The following TNFAIP3 variants were observed in gnomAD, a reference collection of about 807,000 sequenced individuals.
TNFAIP3 encodes tumor necrosis factor alpha-induced protein 3.
A neutral mutation model predicts 72.4 loss-of-function variants in TNFAIP3; 9 were observed. The ratio of observed to expected loss-of-function variants is 0.12; its 90% CI spans 0.07 to 0.22. The LOEUF (loss-of-function observed/expected upper bound fraction) is 0.22. Ranked by LOEUF, TNFAIP3 falls within the 10% of genes least tolerant of loss-of-function variation. The pLI is 1.00. For missense variants in TNFAIP3, 833 were observed against 1,018.7 expected, an observed-to-expected ratio of 0.82 and a Z score of 2.48; for synonymous variants, 339 against 372.6, an observed-to-expected ratio of 0.91 and a Z score of 1.04.
At chr6:137,876,214 C>T (rs777372363) in intron 5 of TNFAIP3, 48 bp downstream of exon 5, 14 of 1,497,112 alleles carry the variant, frequency 9.4e-6, no homozygotes, top group Admixed American at 2.0e-5. Flanking sequence ...ACTGAAACAT[C>T]AGGGTTTTCC....
chr6:137,871,629 G>T lies in TNFAIP3; in HGVS notation c.295+107G>T. 3 of 1,285,082 alleles carry T rather than the reference G, an allele frequency of 2.3e-6. No individual in the cohort carries two copies. Among genetic ancestry groups the T allele is most frequent in the South Asian group, 1.4e-5 (1 of 69,942 alleles). The allele number at this position is 1,285,082 out of a possible 1,614,324, so 79.6% of individuals were successfully genotyped here. A position where few individuals can be genotyped will look rare whatever the true frequency, so the allele number is the denominator to read the frequency against. On this transcript the variant is annotated intron_variant, in intron 2 of 8. Coordinates refer to ENST00000612899, the MANE Select transcript of TNFAIP3 (RefSeq NM_001270508.2). The surrounding 1 kb of genome is among the most constrained non-coding windows in gnomAD (Gnocchi z 4.2). ...ACAAGCCCAAACTCAAATCAATCTT[G>T]AGATTTAGTATTGAGACCTTTATAT...
Position 137,875,027 on chromosome 6 carries a change from G to A in TNFAIP3, c.478G>A (p.Asp160Asn), listed in dbSNP as rs918962406. 2 of 1,614,102 alleles carry A rather than the reference G, an allele frequency of 1.2e-6. No homozygotes were observed. The highest frequency in any genetic ancestry group is 1.3e-5 in the African/African-American group (1 of 75,048). ...QEFVETGLCY[D>N]TRNWNDEWDN... ...ATTTGTTGAAACGGGGCTTTGCTAT[G>A]ATACTCGGGTAGGTTTTTCCCCCTA... The change falls in exon 3 of 9, where the codon GAT becomes AAT. Residue 160 changes from aspartate (D) to asparagine (N), a missense_variant. Coordinates refer to ENST00000612899, the MANE Select transcript of TNFAIP3 (RefSeq NM_001270508.2).
chr6:137,867,992 C>A lies in TNFAIP3; in HGVS notation c.-16+450C>A, dbSNP rs1037488048. The A allele has an allele frequency of 6.6e-6, 1 of 152,550 alleles. No homozygotes were observed. The highest frequency in any genetic ancestry group is 1.5e-5 in the Non-Finnish European group (1 of 68,308). 9.4% of individuals were successfully genotyped at this position (152,550 alleles called of 1,614,324 possible). ...ACGGGGCGTAGGGTACCGCAGTGGCCGCCAGCCCGGCGGAGGTGGGGGGCT... is the reference window on the plus strand; with the variant it reads ...ACGGGGCGTAGGGTACCGCAGTGGCAGCCAGCCCGGCGGAGGTGGGGGGCT... On this transcript the variant is annotated intron_variant, in intron 1 of 8. Transcript: ENST00000612899. This position sits in a 1 kb window ranked among gnomAD's most constrained non-coding sequence, Gnocchi z 6.0.
intron 2 of TNFAIP3, among the ~76,000 whole-genome samples, chr6:137,872,109 T>A (rs1169845875): frequency 6.6e-6 from 1 of 152,240 alleles, no homozygotes; most frequent in African/African-American, 2.4e-5. Flanking sequence ...ATTTTTAGCA[T>A]GAATTTTAGA....
rs369621216 is a variant in TNFAIP3 at position 137,881,234 on chromosome 6, G to A, written c.2288G>A (p.Arg763Gln). 1.4e-5 allele frequency: 23 copies of A among 1,605,600 alleles called. No homozygotes were observed. In the East Asian group the frequency reaches 2.7e-4, roughly 19 times the overall value. ...GAAGACCCCCCCAAGCAGCGTTGCC[G>A]GGCCCCCGCCTGTGATCATTTTGGC... ...APEDPPKQRC[R>Q]APACDHFGNA... The change falls in exon 9 of 9, where the codon CGG becomes CAG. Residue 763 changes from arginine to glutamine, a missense_variant. This residue lies in a region of TNFAIP3 where 587 missense variants were observed against 657.8 expected (regional missense o/e 0.89). Coordinates refer to ENST00000612899, the MANE Select transcript of TNFAIP3 (RefSeq NM_001270508.2). The surrounding 1 kb of genome is among the most constrained non-coding windows in gnomAD (Gnocchi z 5.0).
intron 8 of TNFAIP3, 63 bp from the exon 9 acceptor site, chr6:137,880,972 C>A: frequency 6.6e-7 from 1 of 1,518,654 alleles, no homozygotes; most frequent in Non-Finnish European, 8.9e-7. Context: ...ATTGTGCTCT[C>A]CCTAAGAAAT....
chr6:137,879,161 G>C lies in TNFAIP3; in HGVS notation c.1716G>C (p.Arg572=), dbSNP rs1776357511. ...RSKSDPSRLV[R]SPSPHSCHRA... ...AGTCAGATCCCTCGCGGCTCGTCCG[G>C]AGCCCCTCCCCGCATTCTTGCCACA... is the stretch of plus-strand genomic sequence containing the variant. The change falls in exon 7 of 9, where the codon CGG becomes CGC. Residue 572 remains arginine, a synonymous_variant. Transcript: ENST00000612899. The C allele has an allele frequency of 2.5e-6, 4 of 1,613,908 alleles. No individual in the cohort carries two copies. Among genetic ancestry groups the C allele is most frequent in the Non-Finnish European group, 3.4e-6 (4 of 1,180,020 alleles).
chr6:137,868,251 G>A (rs1582880809), intron 1 of TNFAIP3: 1 of 152,512 alleles, frequency 6.6e-6, no homozygotes, highest in East Asian at 1.9e-4. Flanking sequence ...AGTAAGGAAG[G>A]AGCTTAACTC....
chr6:137,876,181 T>C lies in TNFAIP3; in HGVS notation c.805+15T>C. The C allele has an allele frequency of 6.2e-7, 1 of 1,603,592 alleles. No homozygotes were observed. Among genetic ancestry groups the C allele is most frequent in the South Asian group, 1.1e-5 (1 of 89,100 alleles). On this transcript the variant is annotated intron_variant, in intron 5 of 8. Transcript: ENST00000612899. ...CAGTGGGCCTGGTGAGAAAACTGCA[T>C]TAATTCACATCTATAACTAGACACT...
chr6:137,875,619 T>A, intron 3 of TNFAIP3, 69 bp from the exon 4 acceptor site: 1 of 1,548,248 alleles, frequency 6.5e-7, no homozygotes, highest in Non-Finnish European at 8.8e-7. Context: ...TAGAGTGATG[T>A]CAGAATGACT....
At position 137,870,148 on chromosome 6, in the gene TNFAIP3, A is replaced by G. The variant is rs571908476; in HGVS notation, c.-15-1065A>G. Among the ~76,000 whole-genome samples the G allele has an allele frequency of 1.6e-4, 25 of 152,304 alleles. No homozygotes were observed. In the East Asian group the frequency reaches 4.8e-3, roughly 29 times the overall value. On this transcript the variant is annotated intron_variant, in intron 1 of 8. Coordinates refer to ENST00000612899, the MANE Select transcript of TNFAIP3 (RefSeq NM_001270508.2). The stretch of plus-strand genomic sequence containing the variant: ...TTATGCTTAAAGATTTCAGGGTGAA[A>G]AGCCAGGCAGACTTGCCTCTGTGTT...
rs772293188 is a variant in TNFAIP3, at chr6:137,881,047, C to A, written c.2101C>A (p.Arg701Ser). 6.2e-7 allele frequency: 1 copy of A among 1,607,050 alleles called. No homozygotes were observed. The highest frequency in any genetic ancestry group is 1.3e-5 in the African/African-American group (1 of 74,780). The change falls in exon 9 of 9, where the codon CGC (arginine) becomes AGC (serine). Residue 701 changes from arginine to serine, a missense_variant. Coordinates refer to ENST00000612899, the MANE Select transcript of TNFAIP3 (RefSeq NM_001270508.2). This position sits in a 1 kb window ranked among gnomAD's most constrained non-coding sequence, Gnocchi z 5.0. ...TCTTTCCACTCAGAGATCGAGCCAG[C>A]GCAGAGATGTGCCTCGAACCACACA... is the stretch of plus-strand genomic sequence containing the variant. ...RTEEQLRSSQ[R>S]RDVPRTTQST...
chr6:137,874,719 T>C, intron 2 of TNFAIP3, 126 bp from the exon 3 acceptor site: 1 of 867,024 alleles, frequency 1.2e-6, no homozygotes, highest in Non-Finnish European at 1.7e-6. Flanking sequence ...GACTAGGAAA[T>C]TACATCAAAT....
At chr6:137,877,031 GT>G in intron 5 of TNFAIP3, 44 bp from the exon 6 acceptor site, 1 of 1,440,734 alleles carries the variant, frequency 6.9e-7, no homozygotes, top group Non-Finnish European at 9.4e-7. Context: ...CTATGGCCTT[GT>G]TTAGTAGAAT....
rs890669636 is a variant in TNFAIP3, at chr6:137,875,047, C to T, written c.486+12C>T. 2 of 1,613,788 alleles carry T rather than the reference C, an allele frequency of 1.2e-6. No homozygotes were observed. The highest frequency in any genetic ancestry group is 2.2e-5 in the South Asian group (2 of 91,076). On this transcript the variant is annotated intron_variant, in intron 3 of 8. Transcript: ENST00000612899. ...GCTATGATACTCGGGTAGGTTTTTCCCCCTAATTATCTACTAACAGAGCTC... is the reference window on the plus strand; with the variant it reads ...GCTATGATACTCGGGTAGGTTTTTCTCCCTAATTATCTACTAACAGAGCTC...
Position 137,875,933 on chromosome 6 carries a change from G to A in TNFAIP3, c.635-63G>A. 2.5e-6 allele frequency: 4 copies of A among 1,599,628 alleles called. No individual in the cohort carries two copies. In the South Asian group the frequency reaches 4.5e-5, roughly 18 times the overall value. On this transcript the variant is annotated intron_variant, in intron 4 of 8. Transcript: ENST00000612899. ...ACACTGCCAAAGTTCAGGTAACAGA[G>A]TTCAATGGAATTTGATGAAAGTCAC...
At chr6:137,870,526 T>C (rs1225434756) in intron 1 of TNFAIP3, among the ~76,000 whole-genome samples, 1 of 152,220 alleles carries the variant, frequency 6.6e-6, no homozygotes, top group Non-Finnish European at 1.5e-5. Context: ...GAAATGGACT[T>C]TTTTATTGAT....
Position 137,877,147 on chromosome 6 carries a change from G to C in TNFAIP3, c.877G>C (p.Asp293His). Residue 293 changes from aspartate (D) to histidine (H), a missense_variant, in exon 6 of 9, where the codon GAT (aspartate) becomes CAT (histidine). Physicochemically the swap from Asp to His is moderately conservative, Grantham distance 81 (BLOSUM62 -1). This residue lies in a region of TNFAIP3 where 587 missense variants were observed against 657.8 expected (regional missense o/e 0.89). Coordinates refer to ENST00000612899, the MANE Select transcript of TNFAIP3 (RefSeq NM_001270508.2). ...FEDLKVHFLT[D>H]PENEMKEKLL... ...AGACTTAAAAGTTCACTTTTTGACA[G>C]ATCCTGAAAATGAGATGAAGGAGAA... 1 of 1,613,894 alleles carries C rather than the reference G, an allele frequency of 6.2e-7. No individual in the cohort carries two copies. Among genetic ancestry groups the C allele is most frequent in the Non-Finnish European group, 8.5e-7 (1 of 1,179,890 alleles).
chr6:137,879,957 C>T, intron 7 of TNFAIP3, 114 bp from the exon 8 acceptor site: 1 of 761,716 alleles, frequency 1.3e-6, no homozygotes, highest in Non-Finnish European at 2.1e-6. Flanking sequence ...TATTTCTATA[C>T]ATTTAAGGCT....
Sources: gnomAD v4.1 joint callset for allele counts (sites outside exome capture counted in the v4.1 genomes callset) on GRCh38, gnomAD v4.1.1 for gene constraint, gnomAD v4.1.1 regional missense constraint, Gnocchi (gnomAD v3.1) non-coding constraint, MANE v1.5 for transcripts, NCBI Gene and HGNC (gene_info 2026-07-23, HGNC 2026-07-21) for gene names.